The following RIMS2 variants were observed in gnomAD, a reference collection of about 807,000 sequenced individuals.
RIMS2 encodes regulating synaptic membrane exocytosis 2, also known as regulating synaptic membrane exocytosis protein 2.
A neutral mutation model predicts 174.4 loss-of-function variants in RIMS2; 59 were observed. The observed-to-expected ratio is 0.34, with a 90% CI of 0.27 to 0.42. The LOEUF is 0.42. Ranked by LOEUF, RIMS2 falls within the 10% of genes least tolerant of loss-of-function variation. The pLI is 1.00. For missense variants in RIMS2, 1,620 were observed against 1,666.3 expected (o/e 0.97, Z 0.48); for synonymous variants, 606 against 572.5 (o/e 1.06, Z -0.84).
intron 19 of RIMS2, among the ~76,000 whole-genome samples, chr8:104,065,415 T>C (rs1289320994): frequency 2.0e-5 from 3 of 152,068 alleles, no homozygotes; most frequent in Non-Finnish European, 4.4e-5. Flanking sequence ...AATAAAAATA[T>C]TATTACTGGA....
intron 19 of RIMS2, among the ~76,000 whole-genome samples, chr8:104,175,059 C>T (rs1158811628): frequency 6.6e-6 from 1 of 152,138 alleles, no homozygotes; most frequent in East Asian, 1.9e-4. Flanking sequence ...AGAGAGTTTT[C>T]CTGTATCTCC....
chr8:104,145,988 A>G (rs181690002), intron 19 of RIMS2, among the ~76,000 whole-genome samples: 1 of 152,026 alleles, frequency 6.6e-6, no homozygotes, highest in Admixed American at 6.5e-5. Context: ...ACACCACTCT[A>G]GTGCTACTAT....
chr8:103,564,481 C>T (rs1206289988), intron 1 of RIMS2, among the ~76,000 whole-genome samples: 3 of 152,114 alleles, frequency 2.0e-5, no homozygotes, highest in Non-Finnish European at 4.4e-5. Flanking sequence ...GCAAGGAAGC[C>T]AGTCTGAGTC....
chr8:103,830,639 G>T (rs1415735696), intron 3 of RIMS2, among the ~76,000 whole-genome samples: 1 of 152,106 alleles, frequency 6.6e-6, no homozygotes, highest in Non-Finnish European at 1.5e-5. Context: ...TAATAGTGTT[G>T]TTCAGATCTT....
intron 16 of RIMS2, among the ~76,000 whole-genome samples, chr8:103,988,224 C>T (rs1021341351): frequency 2.0e-5 from 3 of 152,136 alleles, no homozygotes; most frequent in Non-Finnish European, 4.4e-5. Flanking sequence ...AATATATATA[C>T]ATTTACAGCG....
At chr8:103,926,513 CAGTCTGCTTTTA>C (rs2078810087) in intron 10 of RIMS2, among the ~76,000 whole-genome samples, 2 of 151,524 alleles carry the variant, frequency 1.3e-5, no homozygotes, top group East Asian at 1.9e-4. Context: ...GACTGAATGA[CAGTCTGCTTTTA>C]AGTCTGCTTT....
At chr8:103,552,540 C>T (rs1278164218) in intron 1 of RIMS2, among the ~76,000 whole-genome samples, 2 of 152,118 alleles carry the variant, frequency 1.3e-5, no homozygotes, top group African/African-American at 4.8e-5. Context: ...TAAGCATGGG[C>T]AAGGACTTCA....
chr8:104,223,315 G>A, intron 19 of RIMS2: 1 of 1,005,314 alleles, frequency 9.9e-7, no homozygotes. Context: ...GCATCTCCCT[G>A]CGCGGGGAGG....
chr8:103,812,352 T>TG (rs1554843444), intron 3 of RIMS2, among the ~76,000 whole-genome samples: 18 of 148,494 alleles, frequency 1.2e-4, no homozygotes, highest in African/African-American at 3.5e-4. Flanking sequence ...TTTTTTTTTT[T>TG]TTGTTGTTGT....
intron 19 of RIMS2, among the ~76,000 whole-genome samples, chr8:104,180,518 G>A (rs899486021): frequency 6.6e-6 from 1 of 151,504 alleles, no homozygotes; most frequent in Non-Finnish European, 1.5e-5. Flanking sequence ...AGATCAATAT[G>A]ACTAGCTGCT....
At chr8:103,622,554 C>T (rs1014167081) in intron 1 of RIMS2, among the ~76,000 whole-genome samples, 1 of 151,908 alleles carries the variant, frequency 6.6e-6, no homozygotes, top group Non-Finnish European at 1.5e-5. Context: ...AAGAAGTAAC[C>T]ACCCAATATA....
intron 19 of RIMS2, among the ~76,000 whole-genome samples, chr8:104,235,119 A>C (rs2099251650): frequency 6.6e-6 from 1 of 152,114 alleles, no homozygotes; most frequent in Admixed American, 6.6e-5. Flanking sequence ...TTTTCATGAG[A>C]GAACAAAAAA....
intron 1 of RIMS2, among the ~76,000 whole-genome samples, chr8:103,583,736 A>AAAAC (rs879509777): frequency 6.6e-6 from 1 of 152,192 alleles, no homozygotes; most frequent in Non-Finnish European, 1.5e-5. Flanking sequence ...ATAGAAAAGA[A>AAAAC]AAACAAACAA....
At chr8:104,056,386 A>G (rs1439065239) in intron 19 of RIMS2, among the ~76,000 whole-genome samples, 2 of 150,944 alleles carry the variant, frequency 1.3e-5, no homozygotes, top group East Asian at 3.9e-4. Context: ...CCTGGGTGAC[A>G]GAGTGAGACT....
Position 104,251,020 on chromosome 8 carries a change from C to T in RIMS2, c.3692-4C>T, listed in dbSNP as rs1374519. 0.2 allele frequency: 327,126 copies of T among 1,608,290 alleles called. 37,005 individuals carry two copies. Among genetic ancestry groups the T allele is most frequent in the Non-Finnish European group, 0.23 (273,995 of 1,175,330 alleles). On this transcript the variant is annotated splice_region_variant and splice_polypyrimidine_tract_variant and intron_variant, in intron 22 of 23. Transcript: ENST00000504942. ...TCATTCTCCTCTGTGTTTTCTTTCC[C>T]AAGCACCGTATGTAAAAGTGTATCT...
intron 1 of RIMS2, among the ~76,000 whole-genome samples, chr8:103,582,317 C>G (rs1484022878): frequency 1.3e-5 from 2 of 152,160 alleles, no homozygotes; most frequent in African/African-American, 4.8e-5. Flanking sequence ...TTGGGCGAGC[C>G]TCTGAGACTT....
chr8:104,024,576 A>G (rs1221553268), intron 19 of RIMS2, among the ~76,000 whole-genome samples: 1 of 152,140 alleles, frequency 6.6e-6, no homozygotes, highest in Non-Finnish European at 1.5e-5. Context: ...GTTTTTAGAC[A>G]TTAGCTAAAG....
At chr8:103,881,676 GA>G (rs1392677853) in intron 3 of RIMS2, among the ~76,000 whole-genome samples, 1 of 151,436 alleles carries the variant, frequency 6.6e-6, no homozygotes, top group East Asian at 1.9e-4. Flanking sequence ...AGAATATTTA[GA>G]AATAGATTGA....
At chr8:104,165,279 G>A (rs78634333) in intron 19 of RIMS2, among the ~76,000 whole-genome samples, 3,189 of 152,116 alleles carry the variant, frequency 0.021, 116 homozygotes, top group African/African-American at 0.073. Flanking sequence ...TTATGAATTA[G>A]CCTTCTTATT....
Sources: allele counts gnomAD v4.1 joint callset (sites outside exome capture counted in the v4.1 genomes callset), GRCh38; gene constraint gnomAD v4.1.1; transcripts MANE v1.5; gene names NCBI Gene and HGNC (gene_info 2026-07-23, HGNC 2026-07-21).